The following RARB variants were observed in gnomAD, a reference collection of about 807,000 sequenced individuals.
RARB encodes the protein HBV-activated protein.
Under a neutral mutation model 51.9 loss-of-function variants are expected in RARB, and 17 were observed. That is an observed-to-expected ratio of 0.33 (90% CI 0.22 to 0.49). The LOEUF (loss-of-function observed/expected upper bound fraction) is 0.49, where lower values mean the gene tolerates loss of function less well. Ranked by LOEUF, RARB falls within the 20% of genes least tolerant of loss-of-function variation. The pLI, the probability that RARB is intolerant of heterozygous loss-of-function variation, is 0.99. For missense variants in RARB, 369 were observed against 550.8 expected (o/e 0.67, Z 3.30); for synonymous variants, 215 against 195.4 (o/e 1.10, Z -0.84).
At chr3:25,332,969 G>A (rs144340190) in intron 5 of RARB, among the ~76,000 whole-genome samples, 1,652 of 152,188 alleles carry the variant, frequency 0.011, 24 homozygotes, top group African/African-American at 0.037. Flanking sequence ...CAACGTACAA[G>A]GGATGTGAAG....
At chr3:25,102,727 A>T (rs1266022493) in intron 3 of RARB, among the ~76,000 whole-genome samples, 1 of 152,084 alleles carries the variant, frequency 6.6e-6, no homozygotes, top group African/African-American at 2.4e-5. Flanking sequence ...CAATTTCTGA[A>T]TTTCAGTTAA....
chr3:25,551,115 T>C lies in RARB; in HGVS notation c.449-18643T>C, dbSNP rs550189725. 3.3e-5 allele frequency among the ~76,000 whole-genome samples: 5 copies of C among 151,978 alleles called. No homozygotes were observed. In the South Asian group the frequency reaches 1.0e-3, roughly 32 times the overall value. On this transcript the variant is annotated intron_variant, in intron 3 of 7. Transcript: ENST00000330688. ...ATCTTTGAAGGCTTGAAGGGCAGGG[T>C]CTTAGCAGAGTAGTTAGGATGGGAA...
intron 3 of RARB, among the ~76,000 whole-genome samples, chr3:25,532,662 A>G (rs1324662846): frequency 6.6e-6 from 1 of 152,234 alleles, no homozygotes; most frequent in African/African-American, 2.4e-5. Flanking sequence ...TCTGGCTAAC[A>G]TCCAGGAAGA....
intron 2 of RARB, among the ~76,000 whole-genome samples, chr3:25,031,200 A>C (rs1217062633): frequency 6.6e-6 from 1 of 152,164 alleles, no homozygotes; most frequent in Non-Finnish European, 1.5e-5. Context: ...ATATTTTAGC[A>C]ATGTATCCTT....
intron 4 of RARB, among the ~76,000 whole-genome samples, chr3:25,133,043 A>G (rs1310052182): frequency 6.6e-6 from 1 of 151,972 alleles, no homozygotes; most frequent in Non-Finnish European, 1.5e-5. Context: ...ACTGCTGGTT[A>G]AACAATGGCA....
At chr3:25,488,852 G>A (rs1335504987) in intron 2 of RARB, among the ~76,000 whole-genome samples, 3 of 152,218 alleles carry the variant, frequency 2.0e-5, no homozygotes, top group African/African-American at 7.2e-5. Context: ...CCATTAGGCT[G>A]CCTTTAATTG....
chr3:25,302,524 A>G (rs755424075), intron 5 of RARB, among the ~76,000 whole-genome samples: 2 of 152,252 alleles, frequency 1.3e-5, no homozygotes, highest in Non-Finnish European at 2.9e-5. Context: ...CCTATATTGT[A>G]TGATCCCATT....
chr3:24,930,930 C>T (rs1030431955), intron 2 of RARB, among the ~76,000 whole-genome samples: 2 of 152,090 alleles, frequency 1.3e-5, no homozygotes, highest in African/African-American at 4.8e-5. Flanking sequence ...GGAGGCTTTC[C>T]TCAGCCCAAG....
intron 2 of RARB, among the ~76,000 whole-genome samples, chr3:25,466,807 G>C (rs1695452211): frequency 6.6e-6 from 1 of 152,226 alleles, no homozygotes; most frequent in South Asian, 2.1e-4. Flanking sequence ...CATGAAAGGT[G>C]CTGTAGATAA....
intron 3 of RARB, among the ~76,000 whole-genome samples, chr3:25,523,334 T>C (rs1698490334): frequency 1.3e-5 from 2 of 152,140 alleles, no homozygotes. Context: ...CAAGGAAGTG[T>C]GGGTAAGTTT....
intron 5 of RARB, among the ~76,000 whole-genome samples, chr3:25,283,048 G>A (rs567715899): frequency 2.0e-5 from 3 of 152,156 alleles, no homozygotes; most frequent in African/African-American, 4.8e-5. Flanking sequence ...AACTGGCCAC[G>A]CAGAGTGGTT....
intron 3 of RARB, among the ~76,000 whole-genome samples, chr3:25,071,042 A>C (rs1313691703): frequency 6.6e-6 from 1 of 152,220 alleles, no homozygotes; most frequent in Non-Finnish European, 1.5e-5. Flanking sequence ...AGTGCCACAA[A>C]GAGAAACAAG....
At chr3:25,585,549 T>A (rs1340749994) in intron 5 of RARB, among the ~76,000 whole-genome samples, 3 of 152,232 alleles carry the variant, frequency 2.0e-5, no homozygotes, top group Non-Finnish European at 4.4e-5. Flanking sequence ...CAAGGGATAA[T>A]GATTCACTTG....
chr3:24,841,167 C>G (rs2125330454), intron 1 of RARB, among the ~76,000 whole-genome samples: 1 of 152,304 alleles, frequency 6.6e-6, no homozygotes, highest in Admixed American at 6.5e-5. Flanking sequence ...CTTTCTTGAA[C>G]TTTATTGTAT....
intron 3 of RARB, among the ~76,000 whole-genome samples, chr3:25,103,287 T>G (rs986941198): frequency 6.6e-5 from 10 of 152,174 alleles, no homozygotes; most frequent in African/African-American, 2.4e-4. Flanking sequence ...AAATGAGTAC[T>G]TCTTAAAACA....
intron 1 of RARB, among the ~76,000 whole-genome samples, chr3:25,454,892 C>T (rs958328946): frequency 2.6e-5 from 4 of 152,182 alleles, no homozygotes; most frequent in African/African-American, 4.8e-5. Context: ...AGTGCCAAGT[C>T]CTCTTAACAG....
intron 3 of RARB, among the ~76,000 whole-genome samples, chr3:25,083,017 T>C (rs9831718): frequency 0.87 from 132,130 of 151,940 alleles, 57,638 homozygotes; most frequent in African/African-American, 0.92. Flanking sequence ...CCTGTATTAT[T>C]GCTAATAAAC....
chr3:25,575,445 A>G (rs1700887360), intron 4 of RARB, among the ~76,000 whole-genome samples: 1 of 152,196 alleles, frequency 6.6e-6, no homozygotes, highest in African/African-American at 2.4e-5. Flanking sequence ...GCTTGAGACA[A>G]CATTATTTGA....
intron 5 of RARB, among the ~76,000 whole-genome samples, chr3:25,334,016 A>G (rs1575320294): frequency 6.6e-6 from 1 of 152,238 alleles, no homozygotes; most frequent in South Asian, 2.1e-4. Flanking sequence ...ATCATTAAAA[A>G]GTCAGGGAAC....
Sources: gnomAD v4.1 joint callset for allele counts (sites outside exome capture counted in the v4.1 genomes callset) on GRCh38, gnomAD v4.1.1 for gene constraint, MANE v1.5 for transcripts, NCBI Gene and HGNC (gene_info 2026-07-23, HGNC 2026-07-21) for gene names.